Variants in ABCB10 observed in about 807,000 individuals in gnomAD.
ABCB10 encodes the protein ATP-binding cassette sub-family B member 10, mitochondrial.
ABCB10 carries 54 observed loss-of-function variants against 65.4 expected under a neutral mutation model. The ratio of observed to expected loss-of-function variants is 0.83; its 90% CI spans 0.66 to 1.04. The LOEUF is 1.04. Among genes scored for constraint, ABCB10 ranks in the 50% least tolerant of loss-of-function variants. The pLI is 0.00. For synonymous variants in ABCB10, 418 were observed against 406.5 expected, an observed-to-expected ratio of 1.03 and a Z score of -0.34; for missense variants, 846 against 976.6, an observed-to-expected ratio of 0.87 and a Z score of 1.78.
chr1:229,556,430 T>C (rs1663249137), intron 1 of ABCB10, among the ~76,000 whole-genome samples: 1 of 150,276 alleles, frequency 6.7e-6, no homozygotes, highest in Non-Finnish European at 1.5e-5. Flanking sequence ...TAGTCCCAAC[T>C]ACTCAGGAGG....
chr1:229,519,564 G>A (rs1662252519), intron 11 of ABCB10, among the ~76,000 whole-genome samples: 2 of 152,200 alleles, frequency 1.3e-5, no homozygotes, highest in Admixed American at 1.3e-4. Flanking sequence ...GAGGCAGGTG[G>A]ATCACCTGAG....
intron 3 of ABCB10, among the ~76,000 whole-genome samples, chr1:229,543,400 G>A (rs533621378): frequency 3.0e-4 from 46 of 152,264 alleles, no homozygotes; most frequent in African/African-American, 9.6e-4. Flanking sequence ...GCATCTCTTC[G>A]ACAAATTACT....
At position 229,558,209 on chromosome 1, in the gene ABCB10, G is replaced by A. The variant is rs933898894; in HGVS notation, c.444C>T (p.Arg148=). The change falls in exon 1 of 13, where the codon CGC becomes CGT. Residue 148 remains arginine (R), a synonymous_variant. Coordinates refer to ENST00000344517, the MANE Select transcript of ABCB10 (RefSeq NM_012089.3). The stretch of plus-strand genomic sequence containing the variant: ...CCTCCGGGAGTCCGGCCGCTGCGGG[G>A]CGCAGCCGCCCCTTGTCCCCGGGAG... ...AAPPGDKGRL[R]PAAAGLPEAR... 2.9e-5 allele frequency: 41 copies of A among 1,416,458 alleles called. No homozygotes were observed. The African/African-American group carries it at 4.9e-4, about 17-fold the overall frequency. 87.7% of individuals were successfully genotyped at this position (1,416,458 alleles called of 1,614,324 possible).
At chr1:229,529,463 G>A (rs1277216378) in intron 8 of ABCB10, among the ~76,000 whole-genome samples, 2 of 150,206 alleles carry the variant, frequency 1.3e-5, no homozygotes, top group Non-Finnish European at 3.0e-5. Flanking sequence ...GAGGTCAGGA[G>A]ATCGAGACCA....
At chr1:229,520,783 G>A (rs1662294404) in intron 11 of ABCB10, among the ~76,000 whole-genome samples, 1 of 152,208 alleles carries the variant, frequency 6.6e-6, no homozygotes, top group Non-Finnish European at 1.5e-5. Context: ...CCTGTACTAA[G>A]TGAAAGAAGC....
chr1:229,553,294 G>A (rs529708403), intron 1 of ABCB10, among the ~76,000 whole-genome samples: 16 of 152,190 alleles, frequency 1.1e-4, no homozygotes, highest in Admixed American at 8.5e-4. Context: ...ATTTTTAGTA[G>A]AGATGAGGTT....
intron 5 of ABCB10, among the ~76,000 whole-genome samples, chr1:229,540,342 GC>G (rs1441914879): frequency 6.6e-6 from 1 of 152,192 alleles, no homozygotes; most frequent in African/African-American, 2.4e-5. Context: ...GCAGACCAGT[GC>G]TCAGGCAAAG....
intron 8 of ABCB10, among the ~76,000 whole-genome samples, chr1:229,529,294 T>TA: frequency 1.3e-4 from 1 of 7,734 alleles, no homozygotes; most frequent in Non-Finnish European, 2.2e-4. Context: ...AGACTCCGTC[T>TA]CAAAAAAAAA....
At position 229,556,166 on chromosome 1, in the gene ABCB10, G is replaced by A. The variant is rs560225273; in HGVS notation, c.517+1970C>T. ...CAAGGTGGGCAGATCACCCGAGGTC[G>A]GGAGTTCGAGACCACCCTGACCAAC... is the stretch of plus-strand genomic sequence containing the variant. On this transcript the variant is annotated intron_variant, in intron 1 of 12. Coordinates refer to ENST00000344517, the MANE Select transcript of ABCB10 (RefSeq NM_012089.3). Among the ~76,000 whole-genome samples the A allele has an allele frequency of 5.9e-5, 9 of 152,170 alleles. No homozygotes were observed. In the South Asian group the frequency reaches 8.3e-4, roughly 14 times the overall value.
intron 1 of ABCB10, 47 bp from the exon 2 acceptor site, chr1:229,549,481 GGCT>G: frequency 6.4e-7 from 1 of 1,559,148 alleles, no homozygotes; most frequent in South Asian, 1.2e-5. Flanking sequence ...TCAGCAAAGG[GGCT>G]GCGGTGCTGA....
chr1:229,528,313 AT>A lies in ABCB10; in HGVS notation c.1646-1006del, dbSNP rs775596343. Among the ~76,000 whole-genome samples the A allele has an allele frequency of 1.1e-4, 16 of 149,026 alleles. No individual in the cohort carries two copies. In the East Asian group the frequency reaches 2.0e-3, roughly 18 times the overall value. On this transcript the variant is annotated intron_variant, in intron 8 of 12. Transcript: ENST00000344517. The stretch of plus-strand genomic sequence containing the variant: ...CTTGAATTACAGCAACCTAAATAGG[AT>A]TTTTTTTGGTCTTTTTTTTTTTTCC...
chr1:229,540,666 C>G lies in ABCB10; in HGVS notation c.1143G>C (p.Val381=), dbSNP rs771479045. The G allele has an allele frequency of 1.2e-6, 2 of 1,612,852 alleles. No homozygotes were observed. The highest frequency in any genetic ancestry group is 8.5e-7 in the Non-Finnish European group (1 of 1,180,020). Residue 381 remains valine (V), a synonymous_variant, in exon 5 of 13, where the codon GTG becomes GTC. Transcript: ENST00000344517. ...TCCTTGCTAACTGCATTACATGGTC[C>G]ACTTTGCTGGCATATTTCTCGATTT... ...MTEIEKYASK[V]DHVMQLARKE...
chr1:229,538,952 T>C (rs1392863881), intron 6 of ABCB10, among the ~76,000 whole-genome samples: 1 of 152,216 alleles, frequency 6.6e-6, no homozygotes, highest in Non-Finnish European at 1.5e-5. Context: ...TCACAGATTC[T>C]TAATAAAAGC....
At position 229,549,316 on chromosome 1, in the gene ABCB10, G is replaced by C; in HGVS notation, c.636C>G (p.Thr212=). 4 of 1,614,104 alleles carry C rather than the reference G, an allele frequency of 2.5e-6. No homozygotes were observed. Among genetic ancestry groups the C allele is most frequent in the Non-Finnish European group, 3.4e-6 (4 of 1,180,016 alleles). The part of the protein sequence containing the change: ...NPTVDYSDNL[T]RLCLGLSAVF... ...CGGCACTGAGCCCTAGGCAGAGGCG[G>C]GTCAGGTTGTCGCTGTAGTCCACAG... The change falls in exon 2 of 13, where the codon ACC becomes ACG. Residue 212 remains threonine, a synonymous_variant. Coordinates refer to ENST00000344517, the MANE Select transcript of ABCB10 (RefSeq NM_012089.3).
rs1375877560 is a variant in ABCB10, at chr1:229,547,511, G to A, written c.909C>T (p.Gly303=). 1.2e-6 allele frequency: 2 copies of A among 1,612,672 alleles called. No individual in the cohort carries two copies. Among genetic ancestry groups the A allele is most frequent in the Admixed American group, 3.3e-5 (2 of 60,022 alleles). The part of the protein sequence containing the change: ...GLRAGAQASV[G]ISMMFFVSPN... ...CAGGCCCACATACCATCATACTGAT[G>A]CCTACGGAAGCCTGGGCCCCGGCCC... The change falls in exon 3 of 13, where the codon GGC becomes GGT. Residue 303 remains glycine, a synonymous_variant. Transcript: ENST00000344517.
chr1:229,526,238 G>A, intron 9 of ABCB10, 122 bp from the exon 10 acceptor site: 1 of 1,025,920 alleles, frequency 9.7e-7, no homozygotes, highest in African/African-American at 1.6e-5. Flanking sequence ...TTTATCATCT[G>A]TAGTTCTCAC....
intron 10 of ABCB10, among the ~76,000 whole-genome samples, chr1:229,523,210 G>T (rs1662358252): frequency 6.6e-6 from 1 of 152,148 alleles, no homozygotes; most frequent in African/African-American, 2.4e-5. Flanking sequence ...GGAGTCAGCA[G>T]GATCTGTGTT....
intron 1 of ABCB10, among the ~76,000 whole-genome samples, chr1:229,557,766 G>A (rs1663293363): frequency 6.6e-6 from 1 of 151,684 alleles, no homozygotes. Flanking sequence ...TAACAAAATA[G>A]GCATATTTTT....
At chr1:229,536,323 T>C (rs964918287) in intron 6 of ABCB10, among the ~76,000 whole-genome samples, 3 of 150,712 alleles carry the variant, frequency 2.0e-5, no homozygotes, top group African/African-American at 7.3e-5. Flanking sequence ...CAACACAACA[T>C]AGCAAGACCC....
Sources: gnomAD v4.1 joint callset for allele counts (sites outside exome capture counted in the v4.1 genomes callset) on GRCh38, gnomAD v4.1.1 for gene constraint, MANE v1.5 for transcripts, NCBI Gene and HGNC (gene_info 2026-07-23, HGNC 2026-07-21) for gene names.